CENPE: variants seen among roughly 807,000 people sequenced by gnomAD.
CENPE encodes the protein centromere-associated protein E.
A neutral mutation model predicts 336.1 loss-of-function variants in CENPE; 145 were observed. That is an observed-to-expected ratio of 0.43 (90% CI 0.38 to 0.50). CENPE has a LOEUF of 0.50. CENPE is among the 20% of genes least tolerant of loss of function. CENPE has a pLI of 0.00. For synonymous variants in CENPE, 1,013 were observed against 984.8 expected (o/e 1.03, Z -0.54); for missense variants, 2,719 against 3,023.3 (o/e 0.90, Z 2.36).
At chr4:103,186,012 C>T in intron 8 of CENPE, 151 bp from the exon 9 acceptor site, 3 of 511,232 alleles carry the variant, frequency 5.9e-6, no homozygotes, top group Non-Finnish European at 1.1e-5. Flanking sequence ...TCCCTTTTTT[C>T]TCTGAGTCAA....
At chr4:103,180,953 C>A (rs1756278773) in intron 12 of CENPE, among the ~76,000 whole-genome samples, 1 of 152,226 alleles carries the variant, frequency 6.6e-6, no homozygotes, top group African/African-American at 2.4e-5. Flanking sequence ...AGATTGCTAT[C>A]TAAGGGTTAG....
rs4698879 is a variant in CENPE, at chr4:103,182,740, C to T, written c.963+22G>A. ...CAAGCTGATCTTCCCCTATATTAAG[C>T]TGAGATAAAAATCAAACTCACCTGG... On this transcript the variant is annotated intron_variant, in intron 11 of 48. Transcript: ENST00000265148. 0.19 allele frequency: 297,328 copies of T among 1,569,446 alleles called. 30,076 individuals carry two copies. The highest frequency in any genetic ancestry group is 0.2 in the Non-Finnish European group (231,557 of 1,154,706).
chr4:103,113,576 T>A (rs1352043196), intron 46 of CENPE, among the ~76,000 whole-genome samples: 1 of 142,496 alleles, frequency 7.0e-6, no homozygotes, highest in African/African-American at 2.6e-5. Flanking sequence ...AATATATATT[T>A]TATATTACTT....
Position 103,192,611 on chromosome 4 carries a change from G to C in CENPE, c.693+1618C>G, listed in dbSNP as rs1439672014. 2.6e-5 allele frequency among the ~76,000 whole-genome samples: 4 copies of C among 152,258 alleles called. No homozygotes were observed. The East Asian group carries it at 7.7e-4, about 29-fold the overall frequency. ...GGATCAGTAAGAAATGGGACAAGTGGACAAAGAGAAAGGCAGAAAAAGATG... is the reference window on the plus strand; with the variant it reads ...GGATCAGTAAGAAATGGGACAAGTGCACAAAGAGAAAGGCAGAAAAAGATG... On this transcript the variant is annotated intron_variant, in intron 8 of 48. Coordinates refer to ENST00000265148, the MANE Select transcript of CENPE (RefSeq NM_001813.3).
rs561541168 is a variant in CENPE, at chr4:103,192,655, T to C, written c.693+1574A>G. On this transcript the variant is annotated intron_variant, in intron 8 of 48. Transcript: ENST00000265148. ...AAAGATGAGTCAAAATTGACTTAGGTTTCCAGCTTAGGCAGCTAGGATAAT... is the reference window on the plus strand; with the variant it reads ...AAAGATGAGTCAAAATTGACTTAGGCTTCCAGCTTAGGCAGCTAGGATAAT... Among the ~76,000 whole-genome samples the C allele has an allele frequency of 2.6e-5, 4 of 152,210 alleles. No homozygotes were observed. In the South Asian group the frequency reaches 8.3e-4, roughly 32 times the overall value.
At chr4:103,143,445 A>G (rs552084497) in intron 33 of CENPE, 39 bp from the exon 34 acceptor site, 1 of 1,321,934 alleles carries the variant, frequency 7.6e-7, no homozygotes, top group Non-Finnish European at 1.1e-6. Flanking sequence ...CATTGAGAGT[A>G]GTACCATCCA....
At chr4:103,107,954 TC>T (rs1749038705) in intron 48 of CENPE, among the ~76,000 whole-genome samples, 1 of 152,204 alleles carries the variant, frequency 6.6e-6, no homozygotes, top group Admixed American at 6.6e-5. Flanking sequence ...TTTATAAAAG[TC>T]CAGCATTTCT....
chr4:103,176,830 TAAAC>T (rs1755910122), intron 14 of CENPE, 65 bp downstream of exon 14: 2 of 1,219,702 alleles, frequency 1.6e-6, no homozygotes, highest in East Asian at 4.7e-5. Context: ...AACTGAGCTA[TAAAC>T]ATAGTTTCTC....
At chr4:103,114,216 CA>C (rs1749870280) in intron 46 of CENPE, among the ~76,000 whole-genome samples, 1 of 151,988 alleles carries the variant, frequency 6.6e-6, no homozygotes, top group African/African-American at 2.4e-5. Flanking sequence ...AAAGATTTGA[CA>C]ATACAAAAGC....
Position 103,174,727 on chromosome 4 carries a change from C to T in CENPE, c.1647+9G>A, listed in dbSNP as rs764304455. On this transcript the variant is annotated intron_variant, in intron 16 of 48. Transcript: ENST00000265148. ...TTTTAGTTTAGTTTTACATTTCTGT[C>T]TCTCTTACCTCTTGATCTTTTTTAG... 1.1e-5 allele frequency: 16 copies of T among 1,465,412 alleles called. No homozygotes were observed. In the African/African-American group the frequency reaches 1.8e-4, roughly 16 times the overall value. The allele number at this position is 1,465,412 out of a possible 1,614,324, so 90.8% of individuals were successfully genotyped here. A position where few individuals can be genotyped will look rare whatever the true frequency, so the allele number is the denominator to read the frequency against.
chr4:103,148,706 C>G, intron 28 of CENPE, 138 bp downstream of exon 28: 3 of 747,646 alleles, frequency 4.0e-6, no homozygotes, highest in Non-Finnish European at 6.6e-6. Context: ...AGGAGTGTGC[C>G]TGCCACATTA....
intron 42 of CENPE, among the ~76,000 whole-genome samples, chr4:103,129,717 C>T (rs1250471758): frequency 1.3e-5 from 2 of 150,156 alleles, no homozygotes; most frequent in African/African-American, 4.9e-5. Flanking sequence ...GAGTGAGACT[C>T]CATCTCAAAA....
chr4:103,119,218 T>A (rs1262541537), intron 44 of CENPE, among the ~76,000 whole-genome samples: 1 of 152,168 alleles, frequency 6.6e-6, no homozygotes, highest in African/African-American at 2.4e-5. Flanking sequence ...TTTACATTTT[T>A]AATTAATATT....
rs747594018 is a variant in CENPE at position 103,141,086 on chromosome 4, T to C, written c.5482A>G (p.Asn1828Asp). The change falls in exon 36 of 49, where the codon AAT (asparagine) becomes GAT (aspartate). Residue 1828 changes from asparagine to aspartate, a missense_variant. Around this residue, in one of 5 missense-constraint regions of CENPE, gnomAD observed 2,437 missense variants for 2,513.3 expected, o/e 0.97. Transcript: ENST00000265148. Reference sequence around the variant, plus strand: ...TTTAACGTAATAAGTTGATGTTCATTTGCCTTAAGTTCTTGAATCTTAAGA... The same window carrying C: ...TTTAACGTAATAAGTTGATGTTCATCTGCCTTAAGTTCTTGAATCTTAAGA... ...LQEKIQELKA[N>D]EHQLITLKKD... is the part of the protein sequence containing the mutation. The C allele has an allele frequency of 9.6e-6, 15 of 1,555,940 alleles. No individual in the cohort carries two copies. The South Asian group carries it at 1.3e-4, about 14-fold the overall frequency.
chr4:103,112,384 T>G (rs1749534181), intron 46 of CENPE, among the ~76,000 whole-genome samples: 1 of 146,766 alleles, frequency 6.8e-6, no homozygotes, highest in African/African-American at 2.5e-5. Context: ...TATATACATG[T>G]GCACGCACAA....
At chr4:103,123,845 G>T (rs988256103) in intron 42 of CENPE, among the ~76,000 whole-genome samples, 1 of 152,174 alleles carries the variant, frequency 6.6e-6, no homozygotes, top group Non-Finnish European at 1.5e-5. Flanking sequence ...TTTATTCATG[G>T]ATTCAGGAAT....
intron 46 of CENPE, among the ~76,000 whole-genome samples, chr4:103,113,998 C>T (rs984623453): frequency 2.0e-5 from 3 of 151,936 alleles, no homozygotes; most frequent in Non-Finnish European, 4.4e-5. Context: ...ATTTCAAAGA[C>T]CTTTGCAAGT....
chr4:103,159,324 T>A lies in CENPE; in HGVS notation c.2287A>T (p.Ile763Leu), dbSNP rs1450393229. 1 of 1,430,492 alleles carries A rather than the reference T, an allele frequency of 7.0e-7. No individual in the cohort carries two copies. 88.6% of individuals were successfully genotyped at this position (1,430,492 alleles called of 1,614,324 possible). ...PSEVERLRKEIQDKSEELHII... is the reference protein window; with the variant it reads ...PSEVERLRKELQDKSEELHII... The stretch of plus-strand genomic sequence containing the variant: ...TGGAGCTCTTCAGATTTGTCTTGTA[T>A]CTATGGAAAAGAAATAAAATTTAGG... The change falls in exon 22 of 49, where the codon ATA becomes TTA. Residue 763 changes from isoleucine to leucine, a missense_variant and splice_region_variant. Transcript: ENST00000265148.
intron 10 of CENPE, 126 bp from the exon 11 acceptor site, chr4:103,183,017 G>T: frequency 1.9e-6 from 2 of 1,034,074 alleles, no homozygotes; most frequent in Non-Finnish European, 1.4e-6. Flanking sequence ...GTTATATGAG[G>T]CAGATTAAAA....
Sources: allele counts gnomAD v4.1 joint callset (sites outside exome capture counted in the v4.1 genomes callset), GRCh38; gene constraint gnomAD v4.1.1; regional missense constraint gnomAD v4.1.1; transcripts MANE v1.5; gene names NCBI Gene and HGNC (gene_info 2026-07-23, HGNC 2026-07-21).